The following ATXN2 variants were observed in gnomAD, a reference collection of about 807,000 sequenced individuals.
The protein encoded by ATXN2 is ataxin 2.
ATXN2 carries 37 observed loss-of-function variants against 138.6 expected under a neutral mutation model. The ratio of observed to expected loss-of-function variants is 0.27; its 90% CI spans 0.21 to 0.35. The LOEUF (loss-of-function observed/expected upper bound fraction) is 0.35. Among genes scored for constraint, ATXN2 ranks in the 10% least tolerant of loss-of-function variants. The pLI, the probability that ATXN2 is intolerant of heterozygous loss-of-function variation, is 1.00. For synonymous variants in ATXN2, 549 were observed against 543.7 expected, an observed-to-expected ratio of 1.01 and a Z score of -0.13; for missense variants, 1,216 against 1,480.3, an observed-to-expected ratio of 0.82 and a Z score of 2.93.
At chr12:111,523,188 G>A (rs561742558) in intron 6 of ATXN2, among the ~76,000 whole-genome samples, 1 of 151,494 alleles carries the variant, frequency 6.6e-6, no homozygotes, top group Non-Finnish European at 1.5e-5. Flanking sequence ...GCTTGAACCC[G>A]GGAGGCGGAG....
chr12:111,583,853 A>AT (rs1449681372), intron 1 of ATXN2, among the ~76,000 whole-genome samples: 1 of 151,698 alleles, frequency 6.6e-6, no homozygotes, highest in Non-Finnish European at 1.5e-5. Flanking sequence ...GCTCAGTTAA[A>AT]TTTCAACTTT....
intron 5 of ATXN2, among the ~76,000 whole-genome samples, chr12:111,527,023 CTAA>C (rs1880541931): frequency 6.6e-6 from 1 of 152,196 alleles, no homozygotes; most frequent in Non-Finnish European, 1.5e-5. Flanking sequence ...TTCTCTTCTA[CTAA>C]TGTTATTGAA....
chr12:111,575,612 A>C (rs957799410), intron 1 of ATXN2, among the ~76,000 whole-genome samples: 5 of 152,132 alleles, frequency 3.3e-5, no homozygotes, highest in African/African-American at 1.2e-4. Context: ...CCTAGTCTAT[A>C]CTACCACATA....
At chr12:111,455,296 A>G (rs574212184) in intron 23 of ATXN2, 2 of 590,620 alleles carry the variant, frequency 3.4e-6, no homozygotes, top group African/African-American at 1.8e-5. Context: ...CTCCTCATTA[A>G]GACAATCCCC....
At chr12:111,492,336 CG>C (rs1465614154) in intron 14 of ATXN2, among the ~76,000 whole-genome samples, 12 of 152,106 alleles carry the variant, frequency 7.9e-5, no homozygotes, top group African/African-American at 2.7e-4. Context: ...CTGCAGTGAG[CG>C]AAGACTTAGA....
At chr12:111,550,439 G>A (rs1882060814) in intron 5 of ATXN2, among the ~76,000 whole-genome samples, 1 of 152,018 alleles carries the variant, frequency 6.6e-6, no homozygotes, top group Non-Finnish European at 1.5e-5. Context: ...AAATGACCTG[G>A]TATCCAATAG....
At chr12:111,556,303 G>A (rs1407746207) in intron 1 of ATXN2, among the ~76,000 whole-genome samples, 1 of 152,020 alleles carries the variant, frequency 6.6e-6, no homozygotes, top group Non-Finnish European at 1.5e-5. Context: ...CAGAGTCCAG[G>A]AGTCTGAGGC....
chr12:111,579,882 T>A (rs1224561683), intron 1 of ATXN2, among the ~76,000 whole-genome samples: 1 of 151,836 alleles, frequency 6.6e-6, no homozygotes, highest in Non-Finnish European at 1.5e-5. Flanking sequence ...GTACTTTTAG[T>A]AGACACAGGG....
intron 5 of ATXN2, among the ~76,000 whole-genome samples, chr12:111,548,372 A>T (rs1019533874): frequency 1.3e-5 from 2 of 152,228 alleles, no homozygotes; most frequent in Non-Finnish European, 2.9e-5. Context: ...TATGACGTGG[A>T]TAATAGCTGT....
At chr12:111,512,503 G>A (rs900111616) in intron 11 of ATXN2, 1 of 135,290 alleles carries the variant, frequency 7.4e-6, no homozygotes, top group Non-Finnish European at 1.5e-5. Flanking sequence ...TGCCCATGCT[G>A]GAGTGCAATG....
At chr12:111,536,023 G>C (rs1271679225) in intron 5 of ATXN2, among the ~76,000 whole-genome samples, 2 of 150,910 alleles carry the variant, frequency 1.3e-5, no homozygotes, top group Non-Finnish European at 2.9e-5. Context: ...AAAACATTGG[G>C]AAATAATGAG....
At chr12:111,582,871 T>C (rs1432171532) in intron 1 of ATXN2, among the ~76,000 whole-genome samples, 5 of 152,000 alleles carry the variant, frequency 3.3e-5, no homozygotes, top group African/African-American at 4.8e-5. Flanking sequence ...GGTTTCCCCA[T>C]GTTAGGCAGG....
intron 1 of ATXN2, among the ~76,000 whole-genome samples, chr12:111,572,431 C>T (rs1478028111): frequency 6.6e-6 from 1 of 151,914 alleles, no homozygotes; most frequent in Non-Finnish European, 1.5e-5. Flanking sequence ...ACTATCTGGC[C>T]CTTTACGAAG....
At chr12:111,588,579 A>G (rs7398196) in intron 1 of ATXN2, among the ~76,000 whole-genome samples, 120,107 of 151,232 alleles carry the variant, frequency 0.79, 47,828 homozygotes, top group Admixed American at 0.82. Flanking sequence ...CCGAGATCGC[A>G]CCACTGCACT....
intron 14 of ATXN2, among the ~76,000 whole-genome samples, chr12:111,491,550 C>T (rs1018481650): frequency 6.6e-6 from 1 of 152,170 alleles, no homozygotes; most frequent in Admixed American, 6.6e-5. Context: ...AATGTGGATA[C>T]TAGTTCAGCC....
chr12:111,518,487 TA>T, intron 8 of ATXN2, 60 bp from the exon 9 acceptor site: 4 of 1,485,998 alleles, frequency 2.7e-6, no homozygotes, highest in Non-Finnish European at 3.7e-6. Flanking sequence ...CAATGAAACA[TA>T]TCTAAAAGTC....
chr12:111,469,903 G>C (rs1018517011), intron 20 of ATXN2: 9 of 531,114 alleles, frequency 1.7e-5, no homozygotes, highest in Middle Eastern at 9.9e-4. Context: ...GCAGGAAAGA[G>C]ATCTGAAGAC....
chr12:111,594,186 T>G (rs915975267), intron 1 of ATXN2, among the ~76,000 whole-genome samples: 1 of 152,192 alleles, frequency 6.6e-6, no homozygotes, highest in Non-Finnish European at 1.5e-5. Flanking sequence ...ATTCACTGAT[T>G]CATCCCAAAA....
chr12:111,543,947 G>A (rs1028388101), intron 5 of ATXN2, among the ~76,000 whole-genome samples: 12 of 152,106 alleles, frequency 7.9e-5, no homozygotes, highest in African/African-American at 1.7e-4. Context: ...GCATAGCGGC[G>A]TGCACCTGTA....
Sources: gnomAD v4.1 joint callset for allele counts (sites outside exome capture counted in the v4.1 genomes callset) on GRCh38, gnomAD v4.1.1 for gene constraint, MANE v1.5 for transcripts, NCBI Gene and HGNC (gene_info 2026-07-23, HGNC 2026-07-21) for gene names.